The following ZNF143 variants were observed in gnomAD, a reference collection of about 807,000 sequenced individuals.
ZNF143 encodes the protein SPH-binding factor.
A neutral mutation model predicts 74.1 loss-of-function variants in ZNF143; 49 were observed. The observed-to-expected ratio is 0.66, with a 90% CI of 0.53 to 0.84. The LOEUF is 0.84. Among genes scored for constraint, ZNF143 ranks in the 40% least tolerant of loss-of-function variants. The probability of loss-of-function intolerance (pLI) is 0.00; values close to 1 mark genes in which losing one functional copy is unlikely to be tolerated. For synonymous variants in ZNF143, 304 were observed against 282.8 expected (o/e 1.07, Z -0.75); for missense variants, 637 against 793.4 (o/e 0.80, Z 2.37).
intron 8 of ZNF143, among the ~76,000 whole-genome samples, chr11:9,495,287 C>A (rs7103845): frequency 6.6e-5 from 10 of 152,010 alleles, no homozygotes; most frequent in African/African-American, 2.4e-4. Flanking sequence ...ACTAAAAATA[C>A]AAAATTAGCC....
Position 9,508,977 on chromosome 11 carries a change from C to G in ZNF143, c.1375+131C>G, listed in dbSNP as rs1014173744. ...ATAATCACATAAACATAATTTACAG[C>G]TGCAGTAAGTGCTATTGAAGAAAAG... On this transcript the variant is annotated intron_variant, in intron 12 of 15. Coordinates refer to ENST00000396602, the MANE Select transcript of ZNF143 (RefSeq NM_003442.6). 4.1e-6 allele frequency: 4 copies of G among 963,886 alleles called. No homozygotes were observed. The African/African-American group carries it at 6.5e-5, about 16-fold the overall frequency. The allele number at this position is 963,886 out of a possible 1,614,324, so 59.7% of individuals were successfully genotyped here.
At chr11:9,470,667 C>A (rs1856514348) in intron 1 of ZNF143, among the ~76,000 whole-genome samples, 1 of 152,118 alleles carries the variant, frequency 6.6e-6, no homozygotes, top group Admixed American at 6.6e-5. Flanking sequence ...GGGGCAAGAT[C>A]ATTGGCCTCA....
At chr11:9,479,900 ACT>A (rs1315650826) in intron 7 of ZNF143, among the ~76,000 whole-genome samples, 1 of 151,612 alleles carries the variant, frequency 6.6e-6, no homozygotes, top group Admixed American at 6.6e-5. Flanking sequence ...CTTCATCATG[ACT>A]CTTTCTAAAT....
At chr11:9,501,300 T>C in intron 11 of ZNF143, 30 bp downstream of exon 11, 1 of 1,607,528 alleles carries the variant, frequency 6.2e-7, no homozygotes. Flanking sequence ...TGGTCTTTTA[T>C]CTTTCAAGGC....
At chr11:9,513,915 A>T (rs958909744) in intron 13 of ZNF143, among the ~76,000 whole-genome samples, 1 of 152,216 alleles carries the variant, frequency 6.6e-6, no homozygotes, top group Non-Finnish European at 1.5e-5. Context: ...ACATTTTAAA[A>T]AGAGGCAATC....
intron 7 of ZNF143, among the ~76,000 whole-genome samples, chr11:9,491,686 A>G (rs1847784903): frequency 1.3e-5 from 2 of 151,964 alleles, no homozygotes; most frequent in South Asian, 4.1e-4. Context: ...GATGCGTTGC[A>G]GTGGCACAAA....
chr11:9,494,923 C>T lies in ZNF143; in HGVS notation c.765+158C>T, dbSNP rs558308160. Among the ~76,000 whole-genome samples, 21 of 152,272 alleles carry T rather than the reference C, an allele frequency of 1.4e-4. No homozygotes were observed. In the South Asian group the frequency reaches 1.9e-3, roughly 14 times the overall value. On this transcript the variant is annotated intron_variant, in intron 8 of 15. Transcript: ENST00000396602. ...ATACACAGACATGTAAAAACCTATG[C>T]GGACTTTAGAGACTGTTAATTTTTT...
chr11:9,463,903 C>T (rs947848400), intron 1 of ZNF143: 1 of 152,170 alleles, frequency 6.6e-6, no homozygotes, highest in Non-Finnish European at 1.5e-5. Context: ...TTCATACAAG[C>T]ATATACAGAT....
chr11:9,461,171 C>A (rs1388757058), intron 1 of ZNF143, 95 bp downstream of exon 1: 55 of 774,818 alleles, frequency 7.1e-5, no homozygotes, highest in Non-Finnish European at 8.3e-5. Flanking sequence ...GGCCCGGGCT[C>A]CGGCTCCCGC....
intron 1 of ZNF143, chr11:9,463,775 G>A (rs145649343): frequency 1.3e-5 from 2 of 152,246 alleles, no homozygotes; most frequent in African/African-American, 4.8e-5. Context: ...TCACAGAAAC[G>A]TGGCATGGCT....
At chr11:9,484,942 C>T (rs1426513837) in intron 7 of ZNF143, among the ~76,000 whole-genome samples, 6 of 149,824 alleles carry the variant, frequency 4.0e-5, no homozygotes, top group Non-Finnish European at 5.9e-5. Flanking sequence ...GGACTACAGG[C>T]GCCCGCCACC....
At chr11:9,495,696 C>G (rs1847934567) in intron 8 of ZNF143, among the ~76,000 whole-genome samples, 1 of 152,198 alleles carries the variant, frequency 6.6e-6, no homozygotes, top group African/African-American at 2.4e-5. Context: ...AGAGTTATCT[C>G]CCTCTCAGAG....
At chr11:9,494,401 G>T (rs2134044991) in intron 7 of ZNF143, among the ~76,000 whole-genome samples, 1 of 152,152 alleles carries the variant, frequency 6.6e-6, no homozygotes, top group South Asian at 2.1e-4. Context: ...GACCTCCCCG[G>T]GCTCAGGTGA....
chr11:9,469,302 G>C (rs1223135703), intron 1 of ZNF143, among the ~76,000 whole-genome samples: 1 of 142,806 alleles, frequency 7.0e-6, no homozygotes, highest in Non-Finnish European at 1.5e-5. Context: ...TGTGATCTCG[G>C]CTCACTGCAA....
Position 9,469,438 on chromosome 11 carries a change from G to A in ZNF143, c.-7-1864G>A, listed in dbSNP as rs527668069. Among the ~76,000 whole-genome samples, 60 of 151,864 alleles carry A rather than the reference G, an allele frequency of 4.0e-4. 1 individual carries two copies. The highest frequency in any genetic ancestry group is 3.4e-3 in the Middle Eastern group (1 of 294). ...GTAGTGACGGGGTTTCACCTTGTTG[G>A]TCAGGCTGATATGGAACTCCTGACC... On this transcript the variant is annotated intron_variant, in intron 1 of 15. Coordinates refer to ENST00000396602, the MANE Select transcript of ZNF143 (RefSeq NM_003442.6).
chr11:9,494,302 T>TATTG (rs754178722), intron 7 of ZNF143, among the ~76,000 whole-genome samples: 13 of 152,268 alleles, frequency 8.5e-5, no homozygotes, highest in East Asian at 1.9e-4. Flanking sequence ...ATTTCTGTAT[T>TATTG]ATTGATTGAT....
intron 10 of ZNF143, among the ~76,000 whole-genome samples, chr11:9,499,987 G>A (rs183974514): frequency 1.3e-5 from 2 of 152,300 alleles, no homozygotes; most frequent in African/African-American, 4.8e-5. Flanking sequence ...TCAGTGCCCA[G>A]GCTGGTGTGC....
chr11:9,516,272 C>T lies in ZNF143; in HGVS notation c.1596C>T (p.Pro532=). The change falls in exon 14 of 16, where the codon CCC becomes CCT. Residue 532 remains proline (P), a synonymous_variant. Transcript: ENST00000396602. ...CAATGGTAACGCAGGATGGCACGCC[C>T]ATCACAGTCCCCGCCCATGATGCAG... ...TITMVTQDGT[P]ITVPAHDAVI... The T allele has an allele frequency of 6.2e-7, 1 of 1,614,156 alleles. No individual in the cohort carries two copies. The highest frequency in any genetic ancestry group is 1.1e-5 in the South Asian group (1 of 91,078).
At chr11:9,492,304 G>T (rs1847812130) in intron 7 of ZNF143, among the ~76,000 whole-genome samples, 2 of 151,912 alleles carry the variant, frequency 1.3e-5, no homozygotes, top group Admixed American at 6.6e-5. Flanking sequence ...TAGAGACAGG[G>T]TTTCGCTGTG....
Sources: allele counts gnomAD v4.1 joint callset (sites outside exome capture counted in the v4.1 genomes callset), GRCh38; gene constraint gnomAD v4.1.1; transcripts MANE v1.5; gene names NCBI Gene and HGNC (gene_info 2026-07-23, HGNC 2026-07-21).